Variants in COL28A1 observed in about 807,000 individuals in gnomAD.
COL28A1 encodes the protein collagen type XXVIII alpha 1 chain.
In COL28A1, 161 loss-of-function variants were observed where a neutral mutation model predicts 150.2. That is an observed-to-expected ratio of 1.07 (90% CI 0.94 to 1.22). The LOEUF is 1.22. COL28A1 is among the 50% of genes most tolerant of loss of function. COL28A1 has a pLI of 0.00. For missense variants in COL28A1, 1,617 were observed against 1,388.3 expected, an observed-to-expected ratio of 1.16 and a Z score of -2.62; for synonymous variants, 552 against 469.7, an observed-to-expected ratio of 1.18 and a Z score of -2.26.
chr7:7,387,403 C>T (rs563193060), intron 27 of COL28A1, among the ~76,000 whole-genome samples: 72 of 152,106 alleles, frequency 4.7e-4, no homozygotes, highest in African/African-American at 1.7e-3. Context: ...TAGATAAACA[C>T]TTGGCAAAAT....
At chr7:7,361,836 G>C (rs1004892538) in intron 33 of COL28A1, among the ~76,000 whole-genome samples, 3 of 108,442 alleles carry the variant, frequency 2.8e-5, no homozygotes, top group African/African-American at 9.9e-5. Flanking sequence ...TATACACCAT[G>C]GAATACTATG....
Position 7,480,835 on chromosome 7 carries a change from C to T in COL28A1, c.1165-3655G>A, listed in dbSNP as rs139540535. ...GGTGTCATTTGTACTGAGGTTCAAG[C>T]CCCAGCTCTGCTACATAGTAGCAGT... is the stretch of plus-strand genomic sequence containing the variant. On this transcript the variant is annotated intron_variant, in intron 13 of 34. Coordinates refer to ENST00000399429, the MANE Select transcript of COL28A1 (RefSeq NM_001037763.3). Among the ~76,000 whole-genome samples, 707 of 152,236 alleles carry T rather than the reference C, an allele frequency of 4.6e-3. 5 individuals carry two copies. Among genetic ancestry groups the T allele is most frequent in the East Asian group, 0.022 (114 of 5,184 alleles).
chr7:7,415,598 A>G (rs1238003816), intron 27 of COL28A1, among the ~76,000 whole-genome samples: 1 of 152,148 alleles, frequency 6.6e-6, no homozygotes, highest in Non-Finnish European at 1.5e-5. Context: ...CAGTGGTGCG[A>G]TCTTGGCTCA....
intron 6 of COL28A1, 38 bp downstream of exon 6, chr7:7,520,024 G>A (rs761934175): frequency 1.0e-6 from 1 of 976,660 alleles, no homozygotes. Flanking sequence ...TCTAGAAGGA[G>A]ATACGCTGGT....
At chr7:7,403,408 T>C (rs1562559947) in intron 27 of COL28A1, among the ~76,000 whole-genome samples, 1 of 152,226 alleles carries the variant, frequency 6.6e-6, no homozygotes, top group East Asian at 1.9e-4. Context: ...CTCTTTTGAC[T>C]TGTTTTCTTG....
chr7:7,372,398 A>AAAAT (rs3067784), intron 32 of COL28A1, among the ~76,000 whole-genome samples: 55,906 of 133,388 alleles, frequency 0.42, 11,673 homozygotes, highest in Middle Eastern at 0.51. Flanking sequence ...ACTCCGTCTC[A>AAAAT]AAATAAATAA....
Position 7,423,341 on chromosome 7 carries a change from T to C in COL28A1, c.1999-3388A>G, listed in dbSNP as rs77384463. 8.0e-3 allele frequency among the ~76,000 whole-genome samples: 1,216 copies of C among 152,330 alleles called. 17 individuals carry two copies. Among genetic ancestry groups the C allele is most frequent in the African/African-American group, 0.028 (1,155 of 41,568 alleles). ...TTTTGTGCATGCTTAATTTTCATAA[T>C]TGTTTTAATACAATTTTTAAAAATC... On this transcript the variant is annotated intron_variant, in intron 25 of 34. Transcript: ENST00000399429.
chr7:7,427,206 C>A (rs1314312042), intron 25 of COL28A1, among the ~76,000 whole-genome samples: 1 of 152,152 alleles, frequency 6.6e-6, no homozygotes, highest in Non-Finnish European at 1.5e-5. Context: ...GGGGAGTAAC[C>A]TTGAATAGTC....
At chr7:7,375,434 G>T in intron 31 of COL28A1, 27 bp downstream of exon 31, 1 of 1,563,284 alleles carries the variant, frequency 6.4e-7, no homozygotes, top group Non-Finnish European at 8.7e-7. Context: ...GCTTTAAAGT[G>T]ATGTTTTTTC....
At chr7:7,510,566 T>TAA (rs1417201335) in intron 9 of COL28A1, among the ~76,000 whole-genome samples, 4 of 152,346 alleles carry the variant, frequency 2.6e-5, no homozygotes, top group Admixed American at 2.6e-4. Flanking sequence ...ATTACAGGTG[T>TAA]TAGCCACTGC....
intron 21 of COL28A1, among the ~76,000 whole-genome samples, chr7:7,438,242 A>G (rs1346481788): frequency 1.3e-5 from 2 of 152,108 alleles, no homozygotes; most frequent in African/African-American, 2.4e-5. Context: ...ACAGAGCAAA[A>G]CGCTGTCTCA....
intron 26 of COL28A1, among the ~76,000 whole-genome samples, chr7:7,418,872 G>A (rs2128307860): frequency 6.6e-6 from 1 of 152,196 alleles, no homozygotes; most frequent in South Asian, 2.1e-4. Context: ...GATCTAGAAG[G>A]TTCAAAAATA....
intron 28 of COL28A1, among the ~76,000 whole-genome samples, chr7:7,381,079 A>G (rs1037024463): frequency 1.3e-5 from 2 of 152,224 alleles, no homozygotes; most frequent in East Asian, 3.8e-4. Flanking sequence ...CTCAGAGTGA[A>G]GAGACCTTGA....
chr7:7,380,954 T>C, intron 28 of COL28A1, 92 bp from the exon 29 acceptor site: 2 of 1,065,810 alleles, frequency 1.9e-6, no homozygotes, highest in Non-Finnish European at 2.8e-6. Context: ...GCAACTGGCA[T>C]CTCTTGAAGA....
intron 11 of COL28A1, among the ~76,000 whole-genome samples, chr7:7,501,900 G>GT (rs533433676): frequency 6.6e-6 from 1 of 151,734 alleles, no homozygotes. Context: ...GAGACGTTCC[G>GT]TTTTTTTTCT....
At chr7:7,437,571 CTCTA>C (rs1289376583) in intron 21 of COL28A1, 109 bp from the exon 22 acceptor site, 17 of 1,398,784 alleles carry the variant, frequency 1.2e-5, no homozygotes, top group South Asian at 3.6e-5. Flanking sequence ...ATGTTATGAC[CTCTA>C]TCTGTTTCAA....
chr7:7,509,470 C>A (rs976047474), intron 9 of COL28A1, among the ~76,000 whole-genome samples: 4 of 152,142 alleles, frequency 2.6e-5, no homozygotes, highest in African/African-American at 9.7e-5. Flanking sequence ...ACTTCTCTAT[C>A]TCTTCATGTT....
At chr7:7,429,713 C>A (rs1784846423) in intron 25 of COL28A1, among the ~76,000 whole-genome samples, 1 of 152,088 alleles carries the variant, frequency 6.6e-6, no homozygotes, top group South Asian at 2.1e-4. Flanking sequence ...AAATTCTGAA[C>A]AACACAATTT....
intron 27 of COL28A1, among the ~76,000 whole-genome samples, chr7:7,409,645 T>C (rs1783674392): frequency 6.6e-6 from 1 of 152,226 alleles, no homozygotes; most frequent in Admixed American, 6.5e-5. Flanking sequence ...TACTGAACAA[T>C]GTCTTATCTT....
Sources: allele counts gnomAD v4.1 joint callset (sites outside exome capture counted in the v4.1 genomes callset), GRCh38; gene constraint gnomAD v4.1.1; transcripts MANE v1.5; gene names NCBI Gene and HGNC (gene_info 2026-07-23, HGNC 2026-07-21).